CCDC60: variants seen among roughly 807,000 people sequenced by gnomAD.
CCDC60 encodes coiled-coil domain containing 60.
CCDC60 carries 54 observed loss-of-function variants against 63.5 expected under a neutral mutation model. The ratio of observed to expected loss-of-function variants is 0.85; its 90% confidence interval spans 0.68 to 1.07. CCDC60 has a LOEUF of 1.07. CCDC60 is among the 50% of genes least tolerant of loss of function. The probability of loss-of-function intolerance (pLI) is 0.00; values close to 1 mark genes in which losing one functional copy is unlikely to be tolerated. For missense variants in CCDC60, 651 were observed against 684.3 expected (o/e 0.95, Z 0.54); for synonymous variants, 206 against 238.8 (o/e 0.86, Z 1.27).
At chr12:119,431,667 GTGTTTGTTTGTT>G (rs34475367) in intron 2 of CCDC60, among the ~76,000 whole-genome samples, 1 of 151,692 alleles carries the variant, frequency 6.6e-6, no homozygotes, top group Non-Finnish European at 1.5e-5. Context: ...TTCTGTGTTT[GTGTTTGTTTGTT>G]TGTTTGTTTT....
intron 1 of CCDC60, among the ~76,000 whole-genome samples, chr12:119,362,706 T>C (rs1347406703): frequency 6.6e-6 from 1 of 152,258 alleles, no homozygotes; most frequent in Non-Finnish European, 1.5e-5. Context: ...TTTAGGACTA[T>C]TATGAGTAAA....
At chr12:119,507,602 ATATATATATATATTT>A (rs1952077876) in intron 7 of CCDC60, among the ~76,000 whole-genome samples, 2 of 23,846 alleles carry the variant, frequency 8.4e-5, no homozygotes, top group African/African-American at 5.5e-4. Context: ...ATATATATAT[ATATATATATATATTT>A]TTTTTTTTTT....
intron 6 of CCDC60, among the ~76,000 whole-genome samples, chr12:119,501,852 G>A (rs1951861029): frequency 6.6e-6 from 1 of 152,152 alleles, no homozygotes; most frequent in Non-Finnish European, 1.5e-5. Flanking sequence ...GTTCCACTCT[G>A]GGCATGGGGG....
At chr12:119,433,936 A>G (rs572406618) in intron 2 of CCDC60, among the ~76,000 whole-genome samples, 31 of 152,294 alleles carry the variant, frequency 2.0e-4, no homozygotes, top group South Asian at 1.2e-3. Flanking sequence ...GTCTCTTTGC[A>G]TGTGCCCAGT....
chr12:119,462,439 GT>G (rs1307442114), intron 2 of CCDC60, among the ~76,000 whole-genome samples: 4 of 152,028 alleles, frequency 2.6e-5, no homozygotes, highest in Non-Finnish European at 5.9e-5. Context: ...TGTGGCATGG[GT>G]TTTGTTACCT....
intron 1 of CCDC60, among the ~76,000 whole-genome samples, chr12:119,419,765 G>C (rs751613771): frequency 6.6e-6 from 1 of 151,490 alleles, no homozygotes; most frequent in Non-Finnish European, 1.5e-5. Flanking sequence ...GGACTTGCTC[G>C]TCTCCCCAGA....
intron 5 of CCDC60, among the ~76,000 whole-genome samples, chr12:119,489,901 G>T (rs909986961): frequency 1.3e-5 from 2 of 151,720 alleles, no homozygotes; most frequent in Admixed American, 6.6e-5. Context: ...GGGTTCAAGC[G>T]ATTCTCCTGC....
In CCDC60 at chr12:119,531,009, G is replaced by A. The variant is rs767093776; in HGVS notation, c.1497G>A (p.Leu499=). 1.9e-6 allele frequency: 3 copies of A among 1,614,124 alleles called. No individual in the cohort carries two copies. Among genetic ancestry groups the A allele is most frequent in the Non-Finnish European group, 1.7e-6 (2 of 1,179,968 alleles). The change falls in exon 13 of 14, where the codon CTG becomes CTA. Residue 499 remains leucine, a synonymous_variant. Transcript: ENST00000327554. ...RIRPHVLLKV[L]QDLRIWELCS... ...GACCCCATGTCCTCCTGAAGGTGCT[G>A]CAGGATCTGAGGATTTGGGAACTGT...
At chr12:119,376,261 G>A (rs1400482667) in intron 1 of CCDC60, among the ~76,000 whole-genome samples, 3 of 152,188 alleles carry the variant, frequency 2.0e-5, no homozygotes, top group Non-Finnish European at 2.9e-5. Context: ...ACACTACAAG[G>A]CTCATCCTTG....
At position 119,335,268 on chromosome 12, in the gene CCDC60, T is replaced by C. The variant is rs372842639; in HGVS notation, c.90+2T>C. 2.5e-6 allele frequency: 4 copies of C among 1,594,950 alleles called. No individual in the cohort carries two copies. The highest frequency in any genetic ancestry group is 2.7e-5 in the African/African-American group (2 of 73,866). ...TATGCCTCGGAGAACCTAAGGCAGG[T>C]AAGTCTCCCCTCTGCTGAAACCAAT... On this transcript the variant is annotated splice_donor_variant, in intron 1 of 13. Transcript: ENST00000327554. LOFTEE classifies it high-confidence loss of function.
chr12:119,523,545 G>T, intron 10 of CCDC60, 148 bp from the exon 11 acceptor site: 3 of 955,240 alleles, frequency 3.1e-6, no homozygotes. Context: ...GCTTAGGGAG[G>T]CTCCAGGTGA....
At chr12:119,372,066 G>A (rs1479510976) in intron 1 of CCDC60, among the ~76,000 whole-genome samples, 4 of 151,958 alleles carry the variant, frequency 2.6e-5, no homozygotes, top group African/African-American at 7.3e-5. Context: ...GAGACCAGCT[G>A]GCCCAACATG....
chr12:119,428,306 A>G (rs1455557892), intron 1 of CCDC60, among the ~76,000 whole-genome samples: 1 of 152,218 alleles, frequency 6.6e-6, no homozygotes, highest in Non-Finnish European at 1.5e-5. Flanking sequence ...GCTTCCATTT[A>G]TCTAATGCTT....
chr12:119,372,892 A>C (rs931367323), intron 1 of CCDC60, among the ~76,000 whole-genome samples: 2 of 152,216 alleles, frequency 1.3e-5, no homozygotes, highest in African/African-American at 4.8e-5. Context: ...AACTCTAACA[A>C]GGCGTTTCAA....
intron 7 of CCDC60, among the ~76,000 whole-genome samples, chr12:119,505,929 A>G (rs895087772): frequency 1.3e-5 from 2 of 149,372 alleles, no homozygotes; most frequent in Non-Finnish European, 3.0e-5. Context: ...CAATGTAAAA[A>G]TTATTAATGA....
chr12:119,509,080 C>T (rs1395695323), intron 7 of CCDC60, among the ~76,000 whole-genome samples: 2 of 152,144 alleles, frequency 1.3e-5, no homozygotes, highest in Non-Finnish European at 2.9e-5. Context: ...ACCTTCCTCT[C>T]ACATCCAATC....
intron 1 of CCDC60, among the ~76,000 whole-genome samples, chr12:119,423,012 C>T (rs757609668): frequency 3.9e-5 from 6 of 151,902 alleles, no homozygotes; most frequent in South Asian, 2.1e-4. Flanking sequence ...AATATGTTAC[C>T]GGGGTAGGGA....
chr12:119,500,394 G>C (rs539930121), intron 6 of CCDC60, among the ~76,000 whole-genome samples: 1 of 152,164 alleles, frequency 6.6e-6, no homozygotes, highest in South Asian at 2.1e-4. Context: ...CTACATAATG[G>C]GGACAGGAGG....
rs1177877473 is a variant in CCDC60 at position 119,390,563 on chromosome 12, C to A, written c.91-38120C>A. On this transcript the variant is annotated intron_variant, in intron 1 of 13. Coordinates refer to ENST00000327554, the MANE Select transcript of CCDC60 (RefSeq NM_178499.5). ...GACAAATGAATGAATGTGGATGGAC[C>A]CCTCAGAGAGTGGTCATTCTTTCAG... Among the ~76,000 whole-genome samples, 3 of 152,138 alleles carry A rather than the reference C, an allele frequency of 2.0e-5. No individual in the cohort carries two copies. In the East Asian group the frequency reaches 5.8e-4, roughly 29 times the overall value.
Sources: allele counts gnomAD v4.1 joint callset (sites outside exome capture counted in the v4.1 genomes callset), GRCh38; gene constraint gnomAD v4.1.1; transcripts MANE v1.5; gene names NCBI Gene and HGNC (gene_info 2026-07-23, HGNC 2026-07-21).